RAPGEF2: variants seen among roughly 807,000 people sequenced by gnomAD.
RAPGEF2 encodes the protein PDZ domain containing guanine nucleotide exchange factor (GEF) 1.
A neutral mutation model predicts 186.7 loss-of-function variants in RAPGEF2; 54 were observed. The ratio of observed to expected loss-of-function variants is 0.29; its 90% confidence interval spans 0.23 to 0.36. RAPGEF2 has a LOEUF of 0.36. Ranked by LOEUF, RAPGEF2 falls within the 10% of genes least tolerant of loss-of-function variation. RAPGEF2 has a pLI of 1.00. For synonymous variants in RAPGEF2, 712 were observed against 705.9 expected, an observed-to-expected ratio of 1.01 and a Z score of -0.14; for missense variants, 1,532 against 2,045.0, an observed-to-expected ratio of 0.75 and a Z score of 4.84.
At chr4:159,114,495 C>G (rs1303731204) in intron 1 of RAPGEF2, among the ~76,000 whole-genome samples, 1 of 152,152 alleles carries the variant, frequency 6.6e-6, no homozygotes, top group Non-Finnish European at 1.5e-5. Flanking sequence ...TCTCGGCCTC[C>G]CAAAGTGCTG....
chr4:159,107,682 C>T lies in RAPGEF2; in HGVS notation c.69+3451C>T, dbSNP rs1302464939. Among the ~76,000 whole-genome samples the T allele has an allele frequency of 4.6e-5, 7 of 152,068 alleles. No individual in the cohort carries two copies. The East Asian group carries it at 1.2e-3, about 25-fold the overall frequency. On this transcript the variant is annotated intron_variant, in intron 1 of 29. Transcript: ENST00000691494. ...TTGATGTGTTATAAAGAATACAGGA[C>T]TTAATTCATTGCTAAGTACTTGGTA...
intron 2 of RAPGEF2, among the ~76,000 whole-genome samples, chr4:159,191,463 G>A (rs1027887424): frequency 2.6e-5 from 4 of 152,080 alleles, no homozygotes; most frequent in East Asian, 3.9e-4. Context: ...AACTCAGGCC[G>A]GGCGCGATGG....
At position 159,169,103 on chromosome 4, in the gene RAPGEF2, G is replaced by GC. The variant is rs565360373; in HGVS notation, c.70-17538dup. ...ATCCCAGCACAGTGCTTTGCACAGA[G>GC]CAAGTATTCAATACTTTGAATTGAC... On this transcript the variant is annotated intron_variant, in intron 1 of 29. Coordinates refer to ENST00000691494, the MANE Select transcript of RAPGEF2 (RefSeq NM_001394067.2). Among the ~76,000 whole-genome samples the GC allele has an allele frequency of 5.3e-5, 8 of 152,300 alleles. No individual in the cohort carries two copies. In the East Asian group the frequency reaches 1.5e-3, roughly 29 times the overall value.
chr4:159,250,939 G>A (rs1216025791), intron 7 of RAPGEF2, among the ~76,000 whole-genome samples: 1 of 152,200 alleles, frequency 6.6e-6, no homozygotes, highest in African/African-American at 2.4e-5. Context: ...GCGCAGGTGG[G>A]AACCTGGGCT....
At chr4:159,328,512 T>C (rs990318536) in intron 11 of RAPGEF2, 1 of 152,218 alleles carries the variant, frequency 6.6e-6, no homozygotes, top group Non-Finnish European at 1.5e-5. Context: ...AATATGATAC[T>C]GCAATATGCT....
At chr4:159,179,071 T>G (rs1271306154) in intron 1 of RAPGEF2, among the ~76,000 whole-genome samples, 1 of 152,196 alleles carries the variant, frequency 6.6e-6, no homozygotes, top group East Asian at 1.9e-4. Context: ...AAGTAGCATC[T>G]ATTTTGAAAA....
At chr4:159,136,615 A>G (rs1000840364) in intron 1 of RAPGEF2, among the ~76,000 whole-genome samples, 2 of 152,200 alleles carry the variant, frequency 1.3e-5, no homozygotes, top group South Asian at 2.1e-4. Context: ...TCTCTAAACA[A>G]TGTGAATGCC....
At chr4:159,197,007 G>C (rs547653492) in intron 3 of RAPGEF2, among the ~76,000 whole-genome samples, 2 of 152,210 alleles carry the variant, frequency 1.3e-5, no homozygotes, top group Non-Finnish European at 2.9e-5. Context: ...AAGCCTATCA[G>C]GTAATTTCTG....
rs141983748 is a variant in RAPGEF2 at position 159,322,861 on chromosome 4, A to G, written c.990+378A>G. ...ATCTTGTGAGACTTATTCACTACCA[A>G]GAGAACAGTATAGGGGAAACCACCC... On this transcript the variant is annotated intron_variant, in intron 10 of 29. Coordinates refer to ENST00000691494, the MANE Select transcript of RAPGEF2 (RefSeq NM_001394067.2). Among the ~76,000 whole-genome samples, 1,274 of 152,242 alleles carry G rather than the reference A, an allele frequency of 8.4e-3. 15 individuals carry two copies. The highest frequency in any genetic ancestry group is 0.029 in the African/African-American group (1,202 of 41,522).
chr4:159,167,753 T>A (rs1477263800), intron 1 of RAPGEF2, among the ~76,000 whole-genome samples: 1 of 152,222 alleles, frequency 6.6e-6, no homozygotes, highest in African/African-American at 2.4e-5. Context: ...AAAAAAGGAT[T>A]TGCTTTAAAG....
At chr4:159,331,878 G>A (rs1255260252) in intron 15 of RAPGEF2, 45 bp downstream of exon 15, 1 of 1,216,466 alleles carries the variant, frequency 8.2e-7, no homozygotes, top group Non-Finnish European at 1.1e-6. Flanking sequence ...TTGGTGTCTG[G>A]TTTTTTTTTT....
At chr4:159,347,477 A>G (rs13147632) in intron 25 of RAPGEF2, among the ~76,000 whole-genome samples, 52,967 of 152,192 alleles carry the variant, frequency 0.35, 10,619 homozygotes, top group Non-Finnish European at 0.47. Context: ...ATTACACTTC[A>G]TCTTTCCTAC....
At chr4:159,117,468 G>A (rs939456954) in intron 1 of RAPGEF2, among the ~76,000 whole-genome samples, 1 of 152,104 alleles carries the variant, frequency 6.6e-6, no homozygotes, top group Non-Finnish European at 1.5e-5. Context: ...TATTTTCTCT[G>A]GTGTGGTTTA....
chr4:159,108,216 G>A (rs146405941), intron 1 of RAPGEF2, among the ~76,000 whole-genome samples: 11 of 152,118 alleles, frequency 7.2e-5, no homozygotes, highest in East Asian at 1.9e-4. Context: ...AACCTTAGTC[G>A]CCTTCAAATA....
intron 1 of RAPGEF2, among the ~76,000 whole-genome samples, chr4:159,150,129 ATATATAACAG>A (rs1265656308): frequency 7.1e-6 from 1 of 140,278 alleles, no homozygotes; most frequent in East Asian, 1.9e-4. Flanking sequence ...ATATACTATA[ATATATAACAG>A]TATATAACAG....
At chr4:159,202,741 A>G (rs566059942) in intron 3 of RAPGEF2, among the ~76,000 whole-genome samples, 8 of 152,232 alleles carry the variant, frequency 5.3e-5, no homozygotes, top group African/African-American at 1.7e-4. Context: ...AGTTGGGACT[A>G]TAGGCACCCA....
chr4:159,268,228 A>T, intron 7 of RAPGEF2: 1 of 1,557,090 alleles, frequency 6.4e-7, no homozygotes, highest in South Asian at 1.1e-5. Flanking sequence ...AAGTATCGCA[A>T]ATGCTGCTTG....
intron 3 of RAPGEF2, among the ~76,000 whole-genome samples, chr4:159,199,474 T>TA (rs1749177033): frequency 6.6e-6 from 1 of 152,052 alleles, no homozygotes; most frequent in African/African-American, 2.4e-5. Context: ...CCGATGGTTT[T>TA]TTTTTTTCAA....
Position 159,172,288 on chromosome 4 carries a change from A to G in RAPGEF2, c.70-14354A>G, listed in dbSNP as rs142383630. Among the ~76,000 whole-genome samples, 386 of 152,194 alleles carry G rather than the reference A, an allele frequency of 2.5e-3. 1 individual carries two copies. Among genetic ancestry groups the G allele is most frequent in the African/African-American group, 8.7e-3 (360 of 41,522 alleles). On this transcript the variant is annotated intron_variant, in intron 1 of 29. Transcript: ENST00000691494. ...TCGGATGCAGTAGCTGATAGACCCA[A>G]CCACCCTTTATAACACTGGCCCTGA...
Sources: gnomAD v4.1 joint callset for allele counts (sites outside exome capture counted in the v4.1 genomes callset) on GRCh38, gnomAD v4.1.1 for gene constraint, MANE v1.5 for transcripts, NCBI Gene and HGNC (gene_info 2026-07-23, HGNC 2026-07-21) for gene names.